Variants in ZNF385D observed in about 807,000 individuals in gnomAD.
ZNF385D encodes the protein zinc finger protein 659.
In ZNF385D, 15 loss-of-function variants were observed where a neutral mutation model predicts 35.8. That is an observed-to-expected ratio of 0.42 (90% confidence interval 0.28 to 0.64). The LOEUF (loss-of-function observed/expected upper bound fraction) is 0.64, where lower values mean the gene tolerates loss of function less well. Ranked by LOEUF, ZNF385D falls within the 30% of genes least tolerant of loss-of-function variation. ZNF385D has a pLI of 0.23. For missense variants in ZNF385D, 474 were observed against 494.6 expected (o/e 0.96, Z 0.39); for synonymous variants, 212 against 186.8 (o/e 1.13, Z -1.10).
chr3:21,605,298 G>A (rs1054223886), intron 2 of ZNF385D, among the ~76,000 whole-genome samples: 1 of 152,158 alleles, frequency 6.6e-6, no homozygotes, highest in Non-Finnish European at 1.5e-5. Flanking sequence ...ATTTGTATTG[G>A]ACTCAGTATA....
At position 22,082,481 on chromosome 3, in the gene ZNF385D, C is replaced by T. The variant is rs143621697; in HGVS notation, c.325+86336G>A. 6.6e-3 allele frequency among the ~76,000 whole-genome samples: 1,011 copies of T among 152,266 alleles called. 15 individuals carry two copies. The highest frequency in any genetic ancestry group is 0.023 in the African/African-American group (957 of 41,546). On this transcript the variant is annotated intron_variant, in intron 3 of 5. Coordinates refer to the ZNF385D transcript ENST00000494108. The stretch of plus-strand genomic sequence containing the variant: ...AGCAGTCCGAGATCAAACTGCAAGG[C>T]GGCAGCCTATCTGGGGGAGGGATGT...
intron 2 of ZNF385D, among the ~76,000 whole-genome samples, chr3:22,244,966 G>T (rs527869367): frequency 5.9e-5 from 9 of 152,116 alleles, no homozygotes; most frequent in Admixed American, 4.6e-4. Context: ...GGCATAGCCT[G>T]GTTCCAAATG....
chr3:22,251,807 G>C (rs1399401074), intron 2 of ZNF385D, among the ~76,000 whole-genome samples: 2 of 152,056 alleles, frequency 1.3e-5, no homozygotes, highest in Non-Finnish European at 2.9e-5. Flanking sequence ...GGATCTTAGA[G>C]ACACTAATTT....
At chr3:21,711,039 G>GTTGTTTTT (rs2068082583) in intron 1 of ZNF385D, among the ~76,000 whole-genome samples, 4 of 83,154 alleles carry the variant, frequency 4.8e-5, no homozygotes, top group Non-Finnish European at 8.4e-5. Context: ...CCCTCTAAAA[G>GTTGTTTTT]TTTTTTTTTT....
At chr3:21,977,305 T>A (rs1275900256) in intron 3 of ZNF385D, among the ~76,000 whole-genome samples, 1 of 150,974 alleles carries the variant, frequency 6.6e-6, no homozygotes. Flanking sequence ...TGCTTTTGTA[T>A]ATACATACTA....
At chr3:22,237,714 G>T (rs922405516) in intron 2 of ZNF385D, among the ~76,000 whole-genome samples, 1 of 152,126 alleles carries the variant, frequency 6.6e-6, no homozygotes, top group African/African-American at 2.4e-5. Flanking sequence ...CACGATCTCA[G>T]CTCACTAGAA....
intron 3 of ZNF385D, among the ~76,000 whole-genome samples, chr3:22,149,031 G>C (rs1705050647): frequency 6.6e-6 from 1 of 152,064 alleles, no homozygotes; most frequent in African/African-American, 2.4e-5. Context: ...GGTGCCATGG[G>C]CTGGATGGAT....
At chr3:21,612,123 G>T (rs1042954271) in intron 2 of ZNF385D, among the ~76,000 whole-genome samples, 1 of 152,220 alleles carries the variant, frequency 6.6e-6, no homozygotes, top group South Asian at 2.1e-4. Flanking sequence ...CTGTAGCCCA[G>T]CCTGGAGTGC....
At chr3:21,693,227 C>T (rs2067343088) in intron 1 of ZNF385D, among the ~76,000 whole-genome samples, 1 of 152,074 alleles carries the variant, frequency 6.6e-6, no homozygotes, top group Admixed American at 6.5e-5. Context: ...ACACTCATAC[C>T]CAAAGGGAAA....
intron 2 of ZNF385D, among the ~76,000 whole-genome samples, chr3:21,640,012 T>C (rs1417970981): frequency 3.3e-5 from 5 of 152,068 alleles, no homozygotes; most frequent in Non-Finnish European, 7.4e-5. Flanking sequence ...ACTTTAAGCT[T>C]TTAAAAATTT....
intron 3 of ZNF385D, among the ~76,000 whole-genome samples, chr3:21,841,956 A>T (rs1695709609): frequency 6.6e-6 from 1 of 151,724 alleles, no homozygotes; most frequent in Non-Finnish European, 1.5e-5. Flanking sequence ...ACACATACAC[A>T]AACACACATA....
chr3:21,793,939 A>T (rs1425955398), intron 3 of ZNF385D, among the ~76,000 whole-genome samples: 1 of 152,208 alleles, frequency 6.6e-6, no homozygotes, highest in Admixed American at 6.5e-5. Flanking sequence ...TTTTTCTGTA[A>T]TACCTCATTA....
At chr3:21,741,240 T>G (rs1332520152) in intron 1 of ZNF385D, among the ~76,000 whole-genome samples, 1 of 152,046 alleles carries the variant, frequency 6.6e-6, no homozygotes, top group Non-Finnish European at 1.5e-5. Context: ...GATTTAAAAG[T>G]GAGAAAAAAA....
intron 1 of ZNF385D, among the ~76,000 whole-genome samples, chr3:21,711,681 T>C (rs1308234392): frequency 6.6e-6 from 1 of 152,218 alleles, no homozygotes; most frequent in African/African-American, 2.4e-5. Context: ...CCAAGTAATC[T>C]GGATGTTTAT....
chr3:22,165,112 A>G (rs1201930139), intron 3 of ZNF385D, among the ~76,000 whole-genome samples: 1 of 152,182 alleles, frequency 6.6e-6, no homozygotes, highest in African/African-American at 2.4e-5. Context: ...GTAAACCCAC[A>G]GAATGTACAA....
At chr3:22,282,084 G>T (rs1454924394) in intron 2 of ZNF385D, among the ~76,000 whole-genome samples, 1 of 152,120 alleles carries the variant, frequency 6.6e-6, no homozygotes, top group Admixed American at 6.6e-5. Context: ...TGTGTTATCA[G>T]TTGTAATATA....
At chr3:22,276,834 T>A (rs1312100953) in intron 2 of ZNF385D, among the ~76,000 whole-genome samples, 5 of 152,040 alleles carry the variant, frequency 3.3e-5, no homozygotes, top group African/African-American at 1.2e-4. Context: ...TGGAACAAAA[T>A]AATAAAGGGT....
At chr3:22,106,409 T>A (rs1273324412) in intron 3 of ZNF385D, among the ~76,000 whole-genome samples, 1 of 150,764 alleles carries the variant, frequency 6.6e-6, no homozygotes, top group Non-Finnish European at 1.5e-5. Context: ...GACAAAAAAA[T>A]CTTACATTTT....
At chr3:21,532,948 T>C (rs2061958009) in intron 3 of ZNF385D, among the ~76,000 whole-genome samples, 1 of 152,198 alleles carries the variant, frequency 6.6e-6, no homozygotes, top group Non-Finnish European at 1.5e-5. Flanking sequence ...AGACAGTTCA[T>C]GCAACTGCTT....
Sources: allele counts gnomAD v4.1 joint callset (sites outside exome capture counted in the v4.1 genomes callset), GRCh38; gene constraint gnomAD v4.1.1; transcripts MANE v1.5; gene names NCBI Gene and HGNC (gene_info 2026-07-23, HGNC 2026-07-21).